Variants in THSD7B observed in about 807,000 individuals in gnomAD.
THSD7B encodes the protein thrombospondin type-1 domain-containing protein 7B.
Under a neutral mutation model 213.6 loss-of-function variants are expected in THSD7B, and 138 were observed. The observed-to-expected ratio is 0.65, with a 90% confidence interval of 0.56 to 0.74. THSD7B has a LOEUF of 0.74. THSD7B is among the 30% of genes least tolerant of loss of function. The pLI is 0.00. For synonymous variants in THSD7B, 742 were observed against 687.0 expected (o/e 1.08, Z -1.25); for missense variants, 1,931 against 1,991.5 (o/e 0.97, Z 0.58).
intron 1 of THSD7B, among the ~76,000 whole-genome samples, chr2:136,852,480 T>A (rs1261867270): frequency 2.0e-5 from 3 of 152,154 alleles, no homozygotes; most frequent in Admixed American, 6.5e-5. Context: ...GCTAACACCA[T>A]GCCTTAGGGT....
intron 17 of THSD7B, among the ~76,000 whole-genome samples, chr2:137,608,432 A>G (rs1305167378): frequency 6.6e-6 from 1 of 152,050 alleles, no homozygotes; most frequent in Non-Finnish European, 1.5e-5. Flanking sequence ...TACAAGTGTA[A>G]CAGTTACTGA....
At chr2:137,509,238 C>T (rs1159832567) in intron 15 of THSD7B, among the ~76,000 whole-genome samples, 1 of 151,662 alleles carries the variant, frequency 6.6e-6, no homozygotes, top group East Asian at 1.9e-4. Context: ...TTTTTCTTTT[C>T]TTTTCTTTTT....
At chr2:137,079,266 G>A (rs1389649766) in intron 3 of THSD7B, among the ~76,000 whole-genome samples, 1 of 151,954 alleles carries the variant, frequency 6.6e-6, no homozygotes. Flanking sequence ...ATATTTTTTA[G>A]TTTTTTTATA....
chr2:136,840,014 T>G (rs1682899193), intron 1 of THSD7B, among the ~76,000 whole-genome samples: 1 of 152,146 alleles, frequency 6.6e-6, no homozygotes, highest in African/African-American at 2.4e-5. Flanking sequence ...AAAACCCAGT[T>G]TAGTAAAGGA....
intron 14 of THSD7B, among the ~76,000 whole-genome samples, chr2:137,445,086 T>C (rs552808116): frequency 3.3e-5 from 5 of 152,104 alleles, no homozygotes; most frequent in African/African-American, 9.6e-5. Flanking sequence ...AAAATGGCTA[T>C]TATCAAAAAG....
chr2:137,664,542 C>G (rs540755757), intron 26 of THSD7B, among the ~76,000 whole-genome samples: 71 of 152,280 alleles, frequency 4.7e-4, no homozygotes, highest in African/African-American at 1.6e-3. Flanking sequence ...TAGATGCTTT[C>G]TGTGTGTCCT....
intron 1 of THSD7B, among the ~76,000 whole-genome samples, chr2:136,865,439 G>A (rs1286859184): frequency 6.6e-6 from 1 of 152,122 alleles, no homozygotes; most frequent in African/African-American, 2.4e-5. Context: ...CTGCTTGGTG[G>A]GACATTGGAT....
chr2:137,501,044 G>A (rs1679691497), intron 15 of THSD7B, among the ~76,000 whole-genome samples: 1 of 152,160 alleles, frequency 6.6e-6, no homozygotes, highest in Non-Finnish European at 1.5e-5. Flanking sequence ...GTAAAAGCAA[G>A]TGCATGGCAG....
At chr2:137,019,746 T>C (rs1458656809) in intron 2 of THSD7B, among the ~76,000 whole-genome samples, 1 of 152,184 alleles carries the variant, frequency 6.6e-6, no homozygotes, top group Non-Finnish European at 1.5e-5. Flanking sequence ...TATTATAGTC[T>C]CCTTAGAGAC....
At chr2:137,164,479 T>A (rs2104988316) in intron 6 of THSD7B, among the ~76,000 whole-genome samples, 1 of 152,278 alleles carries the variant, frequency 6.6e-6, no homozygotes. Context: ...TGGCGATTCC[T>A]CAAGGATCTG....
chr2:137,060,334 G>A (rs1291773404), intron 3 of THSD7B, among the ~76,000 whole-genome samples: 5 of 151,290 alleles, frequency 3.3e-5, no homozygotes, highest in African/African-American at 1.2e-4. Context: ...TCTTGATGGT[G>A]TTGTTCACAG....
chr2:137,415,667 T>TG (rs1686780735), intron 14 of THSD7B, among the ~76,000 whole-genome samples: 1 of 18,326 alleles, frequency 5.5e-5, no homozygotes, highest in Non-Finnish European at 1.3e-4. Flanking sequence ...TATCAGTGTT[T>TG]TTTTTTTTTT....
At chr2:136,791,872 G>C (rs1681970544) in intron 1 of THSD7B, among the ~76,000 whole-genome samples, 1 of 151,976 alleles carries the variant, frequency 6.6e-6, no homozygotes, top group Admixed American at 6.6e-5. Flanking sequence ...GTGTGGACAT[G>C]TTTTCATTTC....
chr2:137,635,940 T>C (rs1682824978), intron 20 of THSD7B, among the ~76,000 whole-genome samples: 1 of 152,180 alleles, frequency 6.6e-6, no homozygotes, highest in African/African-American at 2.4e-5. Flanking sequence ...TGACCTCAAG[T>C]GATCTGCCCG....
intron 3 of THSD7B, among the ~76,000 whole-genome samples, chr2:137,069,915 G>A (rs1687448784): frequency 6.6e-6 from 1 of 150,592 alleles, no homozygotes; most frequent in African/African-American, 2.4e-5. Context: ...CTATATATCT[G>A]TGGAAATATA....
Position 136,903,126 on chromosome 2 carries a change from G to C in THSD7B, c.139+20809G>C, listed in dbSNP as rs56064253. The stretch of plus-strand genomic sequence containing the variant: ...ACGATGGCCCTTGCCAGATTATATA[G>C]AATAAGGTTATTGACAGCTACCCCA... On this transcript the variant is annotated intron_variant, in intron 2 of 27. Transcript: ENST00000409968. Among the ~76,000 whole-genome samples the C allele has an allele frequency of 2.6e-3, 395 of 151,838 alleles. 3 individuals are homozygous for C. The highest frequency in any genetic ancestry group is 8.9e-3 in the African/African-American group (370 of 41,448).
At chr2:137,299,597 TAAC>T (rs1683550956) in intron 12 of THSD7B, among the ~76,000 whole-genome samples, 1 of 152,086 alleles carries the variant, frequency 6.6e-6, no homozygotes. Flanking sequence ...GGCTACAAAA[TAAC>T]AACATGTTAG....
At chr2:137,422,195 A>G (rs1357817381) in intron 14 of THSD7B, among the ~76,000 whole-genome samples, 1 of 152,236 alleles carries the variant, frequency 6.6e-6, no homozygotes, top group African/African-American at 2.4e-5. Context: ...AATTATCTGG[A>G]AAACTATTGG....
intron 15 of THSD7B, among the ~76,000 whole-genome samples, chr2:137,479,278 G>A (rs986541249): frequency 1.2e-4 from 19 of 152,308 alleles, no homozygotes; most frequent in African/African-American, 4.6e-4. Context: ...TGTGAAGTAG[G>A]CCTGTTGTTA....
Sources: allele counts gnomAD v4.1 joint callset (sites outside exome capture counted in the v4.1 genomes callset), GRCh38; gene constraint gnomAD v4.1.1; transcripts MANE v1.5; gene names NCBI Gene and HGNC (gene_info 2026-07-23, HGNC 2026-07-21).